The following RTN4 variants were observed in gnomAD, a reference collection of about 807,000 sequenced individuals.
RTN4 encodes the protein reticulon-4.
RTN4 carries 32 observed loss-of-function variants against 90.4 expected under a neutral mutation model. The ratio of observed to expected loss-of-function variants is 0.35; its 90% CI spans 0.27 to 0.48. RTN4 has a LOEUF of 0.48. Among genes scored for constraint, RTN4 ranks in the 20% least tolerant of loss-of-function variants. RTN4 has a pLI of 0.99. For missense variants in RTN4, 1,706 were observed against 1,430.2 expected (o/e 1.19, Z -3.11); for synonymous variants, 629 against 552.5 (o/e 1.14, Z -1.94).
At chr2:54,975,928 C>T (rs1677593520) in intron 5 of RTN4, among the ~76,000 whole-genome samples, 1 of 152,114 alleles carries the variant, frequency 6.6e-6, no homozygotes, top group Non-Finnish European at 1.5e-5. Flanking sequence ...TTTTAAGCTG[C>T]CGTATTCTTA....
intron 1 of RTN4, 87 bp downstream of exon 1, chr2:55,049,658 G>GA: frequency 6.5e-7 from 1 of 1,531,460 alleles, no homozygotes; most frequent in Non-Finnish European, 8.8e-7. Flanking sequence ...GGGCGGAGAG[G>GA]AGGGACCAGC....
At chr2:55,097,685 T>C (rs1390059935) in intron 1 of RTN4, among the ~76,000 whole-genome samples, 1 of 152,118 alleles carries the variant, frequency 6.6e-6, no homozygotes, top group Non-Finnish European at 1.5e-5. Context: ...ATTGGGAATA[T>C]GAGAGACGGA....
At chr2:55,049,480 G>A (rs980903963) in intron 1 of RTN4, 9 of 513,696 alleles carry the variant, frequency 1.8e-5, no homozygotes, top group South Asian at 1.5e-4. Context: ...CCGTACGCTG[G>A]GCATCACACA....
intron 1 of RTN4, among the ~76,000 whole-genome samples, chr2:55,086,875 G>T (rs1474418752): frequency 6.7e-6 from 1 of 148,434 alleles, no homozygotes; most frequent in Non-Finnish European, 1.5e-5. Flanking sequence ...TCTCAGAATG[G>T]TCTCAGACTC....
chr2:55,137,667 C>T, the RTN4 span, among the ~76,000 whole-genome samples: 1 of 152,158 alleles, frequency 6.6e-6, no homozygotes, highest in Non-Finnish European at 1.5e-5. Context: ...ACTGCTGGCA[C>T]AGAGAGAGTT....
rs1177320486 is a variant in RTN4, at chr2:55,025,635, A to G, written c.2464T>C (p.Leu822=). 6.8e-6 allele frequency: 11 copies of G among 1,613,654 alleles called. No individual in the cohort carries two copies. The highest frequency in any genetic ancestry group is 3.3e-5 in the South Asian group (3 of 91,024). The part of the protein sequence containing the change: ...DTLLPDEVST[L]SKKEKIPLQM... ...AAAGGAATTTTCTCCTTTTTGCTCA[A>G]TGTTGAAACTTCATCAGGTAACAGG... The change falls in exon 3 of 9, where the codon TTG becomes CTG. Residue 822 remains leucine (L), a synonymous_variant. Coordinates refer to ENST00000337526, the MANE Select transcript of RTN4 (RefSeq NM_020532.5).
intron 2 of RTN4, among the ~76,000 whole-genome samples, chr2:55,066,780 T>C (rs558032859): frequency 2.0e-5 from 3 of 152,240 alleles, no homozygotes; most frequent in African/African-American, 7.2e-5. Flanking sequence ...TGTAAAATTG[T>C]ATTATGTTGA....
At chr2:55,037,109 T>C (rs1200328032) in intron 1 of RTN4, among the ~76,000 whole-genome samples, 1 of 152,004 alleles carries the variant, frequency 6.6e-6, no homozygotes, top group East Asian at 1.9e-4. Context: ...AAAGAGAAAA[T>C]GAAAATATTT....
At position 54,972,657 on chromosome 2, in the gene RTN4, A is replaced by G. The variant is rs192029683; in HGVS notation, c.*499T>C. 8 of 153,014 alleles carry G rather than the reference A, an allele frequency of 5.2e-5. 1 individual carries two copies. In the East Asian group the frequency reaches 1.5e-3, roughly 29 times the overall value. 9.5% of individuals were successfully genotyped at this position (153,014 alleles called of 1,614,324 possible). The stretch of plus-strand genomic sequence containing the variant: ...CAATTAATATAACAGTAAAAGTCAC[A>G]ATACACCTAGAACATACCAGAAAAG... On this transcript the variant is annotated 3_prime_UTR_variant, in exon 9 of 9. Transcript: ENST00000337526.
intron 2 of RTN4, among the ~76,000 whole-genome samples, chr2:55,066,514 G>T (rs919425079): frequency 6.6e-6 from 1 of 151,920 alleles, no homozygotes. Flanking sequence ...GGCCAACATG[G>T]TGAAACCCTG....
intron 3 of RTN4, among the ~76,000 whole-genome samples, chr2:54,992,159 T>TAAAC (rs763068919): frequency 1.0e-3 from 157 of 152,036 alleles, no homozygotes; most frequent in Non-Finnish European, 2.0e-3. Flanking sequence ...CCTCATCTCT[T>TAAAC]AAACAAACAA....
chr2:55,065,494 T>A (rs1329497231), intron 2 of RTN4, among the ~76,000 whole-genome samples: 2 of 152,094 alleles, frequency 1.3e-5, no homozygotes, highest in Non-Finnish European at 2.9e-5. Context: ...AGCTTTATTA[T>A]AATATCTAAA....
chr2:55,040,253 T>C (rs1682981103), intron 1 of RTN4, among the ~76,000 whole-genome samples: 1 of 152,218 alleles, frequency 6.6e-6, no homozygotes, highest in Non-Finnish European at 1.5e-5. Context: ...AATATCAGAA[T>C]TTGATAAAAT....
chr2:55,054,351 G>A (rs1232339421), upstream of RTN4, among the ~76,000 whole-genome samples: 1 of 152,118 alleles, frequency 6.6e-6, no homozygotes, highest in African/African-American at 2.4e-5. Context: ...AGAAATATTT[G>A]TTGGGTATAC....
intron 1 of RTN4, among the ~76,000 whole-genome samples, chr2:55,037,309 T>C (rs1682759553): frequency 6.6e-6 from 1 of 152,190 alleles, no homozygotes; most frequent in Admixed American, 6.5e-5. Context: ...TCTCTATGAG[T>C]ATATTGTGTT....
upstream of RTN4, among the ~76,000 whole-genome samples, chr2:55,053,438 G>A (rs551177559): frequency 2.6e-5 from 4 of 152,146 alleles, no homozygotes; most frequent in South Asian, 4.2e-4. Flanking sequence ...TATAATCCCC[G>A]CACTTTGGGT....
intron 2 of RTN4, among the ~76,000 whole-genome samples, chr2:55,059,243 T>C (rs1193457887): frequency 6.6e-6 from 1 of 152,194 alleles, no homozygotes; most frequent in Non-Finnish European, 1.5e-5. Context: ...TTGGGACTTT[T>C]TACTTTTTGT....
At chr2:55,113,279 C>T (rs1262963444), upstream of RTN4, among the ~76,000 whole-genome samples, 1 of 152,220 alleles carries the variant, frequency 6.6e-6, no homozygotes, top group African/African-American at 2.4e-5. Flanking sequence ...GTGTGGAAGC[C>T]TTGCTTACCT....
intron 2 of RTN4, among the ~76,000 whole-genome samples, chr2:55,059,191 C>G (rs934553762): frequency 6.6e-6 from 1 of 152,040 alleles, no homozygotes; most frequent in Non-Finnish European, 1.5e-5. Context: ...ATTGTCAAAG[C>G]TCTTTGTAAA....
Sources: allele counts gnomAD v4.1 joint callset (sites outside exome capture counted in the v4.1 genomes callset), GRCh38; gene constraint gnomAD v4.1.1; transcripts MANE v1.5; gene names NCBI Gene and HGNC (gene_info 2026-07-23, HGNC 2026-07-21).